The following ANK2 variants were observed in gnomAD, a reference collection of about 807,000 sequenced individuals.
ANK2 encodes ankyrin-2.
In ANK2, 83 loss-of-function variants were observed where a neutral mutation model predicts 360.5. That is an observed-to-expected ratio of 0.23 (90% CI 0.19 to 0.28). The LOEUF is 0.28. Ranked by LOEUF, ANK2 falls within the 10% of genes least tolerant of loss-of-function variation. The pLI, the probability that ANK2 is intolerant of heterozygous loss-of-function variation, is 1.00. For missense variants in ANK2, 4,201 were observed against 4,795.7 expected (o/e 0.88, Z 3.66); for synonymous variants, 1,740 against 1,759.5 (o/e 0.99, Z 0.28).
intron 2 of ANK2, 63 bp downstream of exon 2, chr4:113,174,580 C>T: frequency 8.1e-7 from 1 of 1,237,686 alleles, no homozygotes; most frequent in Non-Finnish European, 1.2e-6. Context: ...ATTCTCAGAG[C>T]CCAAGATTAT....
the ANK2 span, among the ~76,000 whole-genome samples, chr4:112,718,955 G>A: frequency 1.3e-5 from 2 of 152,078 alleles, no homozygotes; most frequent in Non-Finnish European, 2.9e-5. Flanking sequence ...CACCGCTCCC[G>A]GTCAGCAGTT....
At chr4:112,874,194 G>A (rs1394150408) in intron 1 of ANK2, among the ~76,000 whole-genome samples, 2 of 148,106 alleles carry the variant, frequency 1.4e-5, no homozygotes, top group African/African-American at 5.0e-5. Context: ...CGATTCTCCT[G>A]CCTCAGCCTC....
chr4:113,277,190 C>T (rs762184332), intron 15 of ANK2, among the ~76,000 whole-genome samples: 1 of 152,150 alleles, frequency 6.6e-6, no homozygotes, highest in Non-Finnish European at 1.5e-5. Flanking sequence ...TTAATCAGCC[C>T]AACATCATGC....
intron 2 of ANK2, among the ~76,000 whole-genome samples, chr4:113,005,501 G>A (rs1364818270): frequency 2.6e-5 from 4 of 152,112 alleles, no homozygotes; most frequent in African/African-American, 9.7e-5. Context: ...CAAATACCAC[G>A]TGTCCTCACT....
intron 2 of ANK2, among the ~76,000 whole-genome samples, chr4:112,949,632 T>A (rs2094799230): frequency 1.3e-5 from 2 of 152,210 alleles, no homozygotes; most frequent in South Asian, 4.1e-4. Context: ...ACAAAAATAA[T>A]TGATCTCTAT....
chr4:113,000,692 AG>A (rs1311327113), intron 2 of ANK2, among the ~76,000 whole-genome samples: 1 of 152,254 alleles, frequency 6.6e-6, no homozygotes, highest in African/African-American at 2.4e-5. Context: ...AAGGAAAACT[AG>A]GTTTGTGCAC....
intron 4 of ANK2, among the ~76,000 whole-genome samples, chr4:113,206,127 G>A (rs991091492): frequency 6.6e-6 from 1 of 152,046 alleles, no homozygotes; most frequent in African/African-American, 2.4e-5. Context: ...TACATGTGCA[G>A]AACATGCAGG....
chr4:113,217,702 A>G (rs868317032), intron 4 of ANK2, among the ~76,000 whole-genome samples: 4 of 151,348 alleles, frequency 2.6e-5, no homozygotes, highest in Non-Finnish European at 5.9e-5. Context: ...GGTAATGCTC[A>G]CTCGCCGCCT....
At chr4:112,784,629 C>T in the ANK2 span, among the ~76,000 whole-genome samples, 2 of 152,092 alleles carry the variant, frequency 1.3e-5, no homozygotes, top group Non-Finnish European at 2.9e-5. Flanking sequence ...AAGCGTGAGC[C>T]ACCCCGTCCG....
intron 2 of ANK2, among the ~76,000 whole-genome samples, chr4:113,016,110 A>C (rs1265808929): frequency 2.6e-5 from 4 of 151,946 alleles, no homozygotes; most frequent in South Asian, 4.2e-4. Flanking sequence ...CTGCAACCTC[A>C]AATTCCTGGG....
intron 2 of ANK2, among the ~76,000 whole-genome samples, chr4:112,915,614 G>T (rs563770746): frequency 6.6e-6 from 1 of 152,034 alleles, no homozygotes; most frequent in South Asian, 2.1e-4. Flanking sequence ...AATTAACTGG[G>T]CATGGTGGCA....
chr4:113,275,557 C>T (rs1254262301), intron 15 of ANK2, among the ~76,000 whole-genome samples: 1 of 152,036 alleles, frequency 6.6e-6, no homozygotes, highest in Non-Finnish European at 1.5e-5. Flanking sequence ...GGCATCTGTC[C>T]TCTTGTAAGT....
In ANK2 at chr4:113,357,673, A is replaced by G. The variant is rs370499072; in HGVS notation, c.9055A>G (p.Met3019Val). ...DSVSSSFEPT[M>V]SATTTVVGEQ... ...TGTCTCTTCATCTTTCGAGCCTACT[A>G]TGTCCGCTACAACAACAGTTGTTGG... Residue 3019 changes from methionine to valine, a missense_variant, in exon 38 of 46, where the codon ATG becomes GTG. Met to Val is a conservative substitution (Grantham distance 21). This residue lies in a region of ANK2 where 2,642 missense variants were observed against 2,714.5 expected (regional missense o/e 0.97). Coordinates refer to ENST00000357077, the MANE Select transcript of ANK2 (RefSeq NM_001148.6). 1.7e-5 allele frequency: 27 copies of G among 1,614,052 alleles called. No homozygotes were observed. The highest frequency in any genetic ancestry group is 1.5e-4 in the African/African-American group (11 of 74,938).
At chr4:113,226,581 A>G (rs1290596667) in intron 4 of ANK2, among the ~76,000 whole-genome samples, 1 of 152,196 alleles carries the variant, frequency 6.6e-6, no homozygotes, top group South Asian at 2.1e-4. Context: ...GGTGTTCACT[A>G]AAGTGTAATA....
At chr4:113,346,993 T>G (rs541848853) in intron 35 of ANK2, among the ~76,000 whole-genome samples, 4 of 152,288 alleles carry the variant, frequency 2.6e-5, no homozygotes, top group Non-Finnish European at 4.4e-5. Flanking sequence ...GATGCAGAAG[T>G]TGTCAGTGTC....
chr4:112,916,721 ACT>A (rs1438840543), intron 2 of ANK2, among the ~76,000 whole-genome samples: 1 of 152,038 alleles, frequency 6.6e-6, no homozygotes, highest in African/African-American at 2.4e-5. Context: ...AAACCCCAAA[ACT>A]CTGATACACA....
chr4:112,759,162 G>A, the ANK2 span, among the ~76,000 whole-genome samples: 1 of 151,996 alleles, frequency 6.6e-6, no homozygotes, highest in African/African-American at 2.4e-5. Context: ...AAGAGACAGG[G>A]TCTCGCTCTG....
intron 1 of ANK2, among the ~76,000 whole-genome samples, chr4:113,148,870 G>A (rs575300109): frequency 1.3e-5 from 2 of 152,192 alleles, no homozygotes; most frequent in Non-Finnish European, 2.9e-5. Context: ...TGAGGTATGA[G>A]AAGCAAGCAT....
chr4:113,332,139 TTC>T (rs2092608564), intron 28 of ANK2, 69 bp downstream of exon 28: 2 of 1,384,346 alleles, frequency 1.4e-6, no homozygotes, highest in South Asian at 2.3e-5. Context: ...GCAATATGAT[TTC>T]TCTTTTTTGT....
Sources: gnomAD v4.1 joint callset for allele counts (sites outside exome capture counted in the v4.1 genomes callset) on GRCh38, gnomAD v4.1.1 for gene constraint, gnomAD v4.1.1 regional missense constraint, MANE v1.5 for transcripts, NCBI Gene and HGNC (gene_info 2026-07-23, HGNC 2026-07-21) for gene names.